C1orf185: variants seen among roughly 807,000 people sequenced by gnomAD.
C1orf185 encodes the protein chromosome 1 open reading frame 185.
In C1orf185, 13 loss-of-function variants were observed where a neutral mutation model predicts 16.1. That is an observed-to-expected ratio of 0.81 (90% CI 0.53 to 1.28). The LOEUF is 1.28. Among genes scored for constraint, C1orf185 ranks in the 50% most tolerant of loss-of-function variants. The probability of loss-of-function intolerance (pLI) is 0.00; values close to 1 mark genes in which losing one functional copy is unlikely to be tolerated. For missense variants in C1orf185, 220 were observed against 225.2 expected (o/e 0.98, Z 0.15); for synonymous variants, 80 against 76.9 (o/e 1.04, Z -0.21).
At chr1:51,134,740 A>G (rs1354691918) in intron 3 of C1orf185, among the ~76,000 whole-genome samples, 1 of 152,234 alleles carries the variant, frequency 6.6e-6, no homozygotes, top group Non-Finnish European at 1.5e-5. Flanking sequence ...CACATAAACT[A>G]GAAAATCTAA....
chr1:51,132,821 G>A (rs1646295291), intron 3 of C1orf185, among the ~76,000 whole-genome samples: 1 of 151,924 alleles, frequency 6.6e-6, no homozygotes, highest in Non-Finnish European at 1.5e-5. Flanking sequence ...GAAAAGTCAG[G>A]CCACCTACAA....
At chr1:51,136,478 C>G (rs1365581067) in intron 3 of C1orf185, among the ~76,000 whole-genome samples, 2 of 151,968 alleles carry the variant, frequency 1.3e-5, no homozygotes, top group Non-Finnish European at 2.9e-5. Flanking sequence ...GGCGGCATCA[C>G]ACTGCTGCAC....
chr1:51,142,424 T>C (rs1378408318), intron 3 of C1orf185, among the ~76,000 whole-genome samples: 1 of 152,248 alleles, frequency 6.6e-6, no homozygotes, highest in Non-Finnish European at 1.5e-5. Context: ...TCTGAAGGCA[T>C]ACAGTGTTTA....
chr1:51,121,510 A>C (rs1320611130), intron 3 of C1orf185, among the ~76,000 whole-genome samples: 2 of 152,014 alleles, frequency 1.3e-5, no homozygotes, highest in African/African-American at 2.4e-5. Flanking sequence ...CCTCATTCAA[A>C]CTAGAATAAG....
chr1:51,135,585 G>A (rs1272178944), intron 3 of C1orf185, among the ~76,000 whole-genome samples: 1 of 152,144 alleles, frequency 6.6e-6, no homozygotes, highest in Non-Finnish European at 1.5e-5. Context: ...ATGCCGAAAA[G>A]CCTTTCAATA....
At chr1:51,123,369 G>A (rs946299704) in intron 3 of C1orf185, among the ~76,000 whole-genome samples, 5 of 152,114 alleles carry the variant, frequency 3.3e-5, no homozygotes, top group African/African-American at 7.2e-5. Context: ...TTTTTAGCAC[G>A]GAATAATGTT....
At chr1:51,117,902 C>G (rs1010593907) in intron 2 of C1orf185, among the ~76,000 whole-genome samples, 2 of 151,948 alleles carry the variant, frequency 1.3e-5, no homozygotes, top group Non-Finnish European at 2.9e-5. Context: ...TGAGTCAATT[C>G]AGTTTTCTTC....
At chr1:51,111,115 C>T (rs1570290008) in intron 1 of C1orf185, among the ~76,000 whole-genome samples, 1 of 151,988 alleles carries the variant, frequency 6.6e-6, no homozygotes, top group Admixed American at 6.6e-5. Flanking sequence ...TACCCCAAGC[C>T]TTCTTCATTC....
chr1:51,121,114 C>T (rs532955770), intron 3 of C1orf185, among the ~76,000 whole-genome samples: 8 of 152,160 alleles, frequency 5.3e-5, no homozygotes, highest in South Asian at 2.1e-4. Flanking sequence ...GTGGTGAGAA[C>T]GCTTAAAATC....
intron 4 of C1orf185, 59 bp from the exon 5 acceptor site, chr1:51,147,408 C>T: frequency 7.2e-7 from 1 of 1,393,520 alleles, no homozygotes; most frequent in East Asian, 2.5e-5. Flanking sequence ...TGACATTGTC[C>T]TTATAATTAA....
At chr1:51,126,417 C>T (rs1386941624) in intron 3 of C1orf185, among the ~76,000 whole-genome samples, 1 of 151,930 alleles carries the variant, frequency 6.6e-6, no homozygotes. Context: ...GTACACACCA[C>T]CATGTCCACT....
intron 4 of C1orf185, among the ~76,000 whole-genome samples, chr1:51,146,951 T>A (rs6670506): frequency 0.047 from 7,099 of 152,204 alleles, 522 homozygotes; most frequent in African/African-American, 0.16. Flanking sequence ...TTAGTTGTCC[T>A]TATTTTAAAG....
chr1:51,112,477 C>T lies in C1orf185; in HGVS notation c.30C>T (p.Tyr10=). The part of the protein sequence containing the change: MASPKGFFN[Y]LTYFLAAGAV... ...TTGTTTGTATAGGTTTTTTTAATTA[C>T]TTGACCTATTTTCTTGCTGCTGGTG... Residue 10 remains tyrosine, a synonymous_variant, in exon 2 of 5, where the codon TAC becomes TAT. Transcript: ENST00000371759. The T allele has an allele frequency of 6.5e-7, 1 of 1,547,396 alleles. No individual in the cohort carries two copies. Among genetic ancestry groups the T allele is most frequent in the South Asian group, 1.2e-5 (1 of 82,838 alleles).
intron 3 of C1orf185, among the ~76,000 whole-genome samples, chr1:51,126,317 G>A (rs1293248996): frequency 6.6e-6 from 1 of 152,240 alleles, no homozygotes; most frequent in East Asian, 1.9e-4. Flanking sequence ...AGGCTGGAGT[G>A]CAGTGGCAAA....
In C1orf185 at chr1:51,111,372, TTC is replaced by T. The variant is rs750456509; in HGVS notation, c.17-1090_17-1089del. On this transcript the variant is annotated intron_variant, in intron 1 of 4. Coordinates refer to ENST00000371759, the MANE Select transcript of C1orf185 (RefSeq NM_001136508.2). The stretch of plus-strand genomic sequence containing the variant: ...ATTGCTTTCATTTAGCTTTCTTTCT[TTC>T]TTTTTTTTTTTTTTTGAGAGACAGG... Among the ~76,000 whole-genome samples, 608 of 143,900 alleles carry T rather than the reference TTC, an allele frequency of 4.2e-3. 40 individuals are homozygous for T. Among genetic ancestry groups the T allele is most frequent in the African/African-American group, 0.015 (560 of 37,534 alleles). 94.4% of individuals were successfully genotyped at this position (143,900 alleles called of 152,430 possible).
In C1orf185 at chr1:51,119,963, CA is replaced by C. The variant is rs1646185624; in HGVS notation, c.258+1165del. Among the ~76,000 whole-genome samples the C allele has an allele frequency of 2.6e-5, 4 of 151,860 alleles. No individual in the cohort carries two copies. In the South Asian group the frequency reaches 8.3e-4, roughly 32 times the overall value. ...TACAACATCATATGATAAGAGCTCA[CA>C]AAGTTGAAGAAGTGCAGACAAAAAA... On this transcript the variant is annotated intron_variant, in intron 3 of 4. Transcript: ENST00000371759.
intron 1 of C1orf185, among the ~76,000 whole-genome samples, chr1:51,111,742 A>G (rs1455945299): frequency 1.3e-5 from 2 of 151,856 alleles, no homozygotes; most frequent in East Asian, 3.9e-4. Context: ...CTGGTCTCGA[A>G]CTCCTGACCT....
chr1:51,102,238 C>T lies in C1orf185; in HGVS notation c.5C>T (p.Ala2Val). The T allele has an allele frequency of 4.2e-6, 3 of 714,794 alleles. No individual in the cohort carries two copies. Among genetic ancestry groups the T allele is most frequent in the Non-Finnish European group, 5.2e-6 (2 of 382,918 alleles). 44.3% of individuals were successfully genotyped at this position (714,794 alleles called of 1,614,324 possible). A position where few individuals can be genotyped will look rare whatever the true frequency, so the allele number is the denominator to read the frequency against. Residue 2 changes from alanine (A) to valine (V), a missense_variant, in exon 1 of 5, where the codon GCT becomes GTT. By Grantham distance (64) the Ala-to-Val change is moderately conservative. Coordinates refer to ENST00000371759, the MANE Select transcript of C1orf185 (RefSeq NM_001136508.2). ...TATTGGTTAGAACTCAGTCATATGG[C>T]TTCACCTAAAGGTATGAGAAGCTGG... The part of the protein sequence containing the change: M[A>V]SPKGFFNYLT...
In C1orf185 at chr1:51,147,871, T is replaced by C. The variant is rs534439731; in HGVS notation, c.*100T>C. ...ATAATACTGAATGACTTTTTTCTTT[T>C]GAAACCTTGTATACAATCAGCTTCT... On this transcript the variant is annotated 3_prime_UTR_variant, in exon 5 of 5. Coordinates refer to ENST00000371759, the MANE Select transcript of C1orf185 (RefSeq NM_001136508.2). 8 of 1,098,616 alleles carry C rather than the reference T, an allele frequency of 7.3e-6. No individual in the cohort carries two copies. The South Asian group carries it at 1.4e-4, about 20-fold the overall frequency. 68.1% of individuals were successfully genotyped at this position (1,098,616 alleles called of 1,614,324 possible). A position where few individuals can be genotyped will look rare whatever the true frequency, so the allele number is the denominator to read the frequency against.
Sources: gnomAD v4.1 joint callset for allele counts (sites outside exome capture counted in the v4.1 genomes callset) on GRCh38, gnomAD v4.1.1 for gene constraint, MANE v1.5 for transcripts, NCBI Gene and HGNC (gene_info 2026-07-23, HGNC 2026-07-21) for gene names.